MRPL37: variants seen among roughly 807,000 people sequenced by gnomAD.
MRPL37 encodes the protein large ribosomal subunit protein mL37.
In MRPL37, 34 loss-of-function variants were observed where a neutral mutation model predicts 44.1. The observed-to-expected ratio is 0.77, with a 90% CI of 0.59 to 1.03. MRPL37 has a LOEUF of 1.03. Ranked by LOEUF, MRPL37 falls within the 50% of genes least tolerant of loss-of-function variation. The pLI, the probability that MRPL37 is intolerant of heterozygous loss-of-function variation, is 0.00. For synonymous variants in MRPL37, 212 were observed against 219.5 expected (o/e 0.97, Z 0.30); for missense variants, 532 against 543.7 (o/e 0.98, Z 0.21).
downstream of MRPL37, among the ~76,000 whole-genome samples, chr1:54,219,021 C>CT (rs1451526288): frequency 1.3e-5 from 2 of 152,224 alleles, no homozygotes; most frequent in African/African-American, 4.8e-5. Flanking sequence ...CACTTAGAGA[C>CT]TTTTATTTGG....
At chr1:54,211,271 G>A (rs954854646) in intron 4 of MRPL37, among the ~76,000 whole-genome samples, 1 of 152,090 alleles carries the variant, frequency 6.6e-6, no homozygotes, top group East Asian at 1.9e-4. Context: ...TACAGATATG[G>A]TCAGTTTTCC....
intron 3 of MRPL37, among the ~76,000 whole-genome samples, chr1:54,208,458 A>C (rs1462937517): frequency 6.8e-6 from 1 of 148,072 alleles, no homozygotes; most frequent in Non-Finnish European, 1.5e-5. Context: ...CTGAGGCGGG[A>C]GAATGGCGTG....
chr1:54,210,572 A>G (rs531434067), intron 4 of MRPL37, among the ~76,000 whole-genome samples: 1 of 152,250 alleles, frequency 6.6e-6, no homozygotes, highest in African/African-American at 2.4e-5. Context: ...TAGACATTGA[A>G]TGGGGCCATT....
chr1:54,206,609 C>T (rs1349326949), intron 3 of MRPL37, among the ~76,000 whole-genome samples: 1 of 152,102 alleles, frequency 6.6e-6, no homozygotes, highest in Non-Finnish European at 1.5e-5. Context: ...GGGGTTTCAC[C>T]ATGTTGGCCA....
At chr1:54,219,974 G>A (rs940726497), downstream of MRPL37, among the ~76,000 whole-genome samples, 3 of 152,354 alleles carry the variant, frequency 2.0e-5, no homozygotes, top group African/African-American at 7.2e-5. Flanking sequence ...TAATGCTGCA[G>A]TGAGCACCCT....
chr1:54,219,561 C>T (rs1207890933), downstream of MRPL37, among the ~76,000 whole-genome samples: 1 of 152,160 alleles, frequency 6.6e-6, no homozygotes, highest in African/African-American at 2.4e-5. Flanking sequence ...CCTCCTAGGG[C>T]AGCTGACCTG....
intron 1 of MRPL37, among the ~76,000 whole-genome samples, chr1:54,201,165 C>G (rs943481533): frequency 6.6e-6 from 1 of 152,146 alleles, no homozygotes. Context: ...GCTTGTTTAT[C>G]CCTTTCTCCA....
At chr1:54,205,692 A>G (rs1644116759) in intron 3 of MRPL37, among the ~76,000 whole-genome samples, 1 of 152,242 alleles carries the variant, frequency 6.6e-6, no homozygotes, top group Non-Finnish European at 1.5e-5. Context: ...GTTGAAGGTA[A>G]GGAAATTTAT....
downstream of MRPL37, chr1:54,218,486 A>G (rs1389981246): frequency 1.0e-6 from 1 of 987,022 alleles, no homozygotes; most frequent in South Asian, 2.0e-5. Context: ...CCCTTGACCC[A>G]TGTTGTGATC....
At chr1:54,207,703 A>G (rs990418640) in intron 3 of MRPL37, among the ~76,000 whole-genome samples, 3 of 152,160 alleles carry the variant, frequency 2.0e-5, no homozygotes, top group Admixed American at 2.0e-4. Context: ...GTCCATGCAC[A>G]TTTATTTTTC....
At chr1:54,214,832 T>C (rs976184960) in intron 5 of MRPL37, among the ~76,000 whole-genome samples, 2 of 152,254 alleles carry the variant, frequency 1.3e-5, no homozygotes, top group Non-Finnish European at 2.9e-5. Context: ...TTTATTGATC[T>C]GTAGAGGGAG....
chr1:54,210,150 G>A lies in MRPL37; in HGVS notation c.832+19G>A. On this transcript the variant is annotated intron_variant, in intron 4 of 6. Coordinates refer to ENST00000360840, the MANE Select transcript of MRPL37 (RefSeq NM_016491.4). ...GACACAGGTAAGGATCAATGTCTTG[G>A]ACTTTTAGGCAGTGTGGAGGAGAAG... 1 of 1,609,194 alleles carries A rather than the reference G, an allele frequency of 6.2e-7. No individual in the cohort carries two copies. The highest frequency in any genetic ancestry group is 2.2e-5 in the East Asian group (1 of 44,828).
At chr1:54,222,504 C>T (rs1644243220), downstream of MRPL37, among the ~76,000 whole-genome samples, 1 of 152,090 alleles carries the variant, frequency 6.6e-6, no homozygotes, top group African/African-American at 2.4e-5. Flanking sequence ...TCACGGTGGG[C>T]GTGGCCACCT....
chr1:54,214,757 C>T (rs994181678), intron 5 of MRPL37, among the ~76,000 whole-genome samples: 2 of 152,244 alleles, frequency 1.3e-5, no homozygotes, highest in African/African-American at 4.8e-5. Context: ...TGAAGTTGAG[C>T]AATTATGGGA....
At chr1:54,200,750 T>G (rs1644074201) in intron 1 of MRPL37, among the ~76,000 whole-genome samples, 161 bp downstream of exon 1, 1 of 152,194 alleles carries the variant, frequency 6.6e-6, no homozygotes, top group Non-Finnish European at 1.5e-5. Flanking sequence ...GTTGTTAGAA[T>G]TGAGTTGTAA....
downstream of MRPL37, among the ~76,000 whole-genome samples, chr1:54,221,401 A>ACACT (rs1259475977): frequency 6.6e-6 from 1 of 152,110 alleles, no homozygotes; most frequent in Non-Finnish European, 1.5e-5. Flanking sequence ...TTTAACATGG[A>ACACT]CACTCAGATG....
chr1:54,223,103 T>TA (rs1644246351), downstream of MRPL37, among the ~76,000 whole-genome samples: 1 of 152,186 alleles, frequency 6.6e-6, no homozygotes, highest in African/African-American at 2.4e-5. Context: ...ACCCTGGGAA[T>TA]AGAGAGAACA....
chr1:54,220,806 G>C (rs1385025953), downstream of MRPL37: 1 of 471,194 alleles, frequency 2.1e-6, no homozygotes, highest in East Asian at 6.9e-5. Flanking sequence ...GGTCATGCTG[G>C]ATAGCGAAAC....
At chr1:54,208,795 T>A (rs1557732490) in intron 3 of MRPL37, among the ~76,000 whole-genome samples, 1 of 152,086 alleles carries the variant, frequency 6.6e-6, no homozygotes, top group Non-Finnish European at 1.5e-5. Context: ...TTTTTCCCTC[T>A]GGAGAACATT....
Sources: gnomAD v4.1 joint callset for allele counts (sites outside exome capture counted in the v4.1 genomes callset) on GRCh38, gnomAD v4.1.1 for gene constraint, MANE v1.5 for transcripts, NCBI Gene and HGNC (gene_info 2026-07-23, HGNC 2026-07-21) for gene names.